GDAP1: variants seen among roughly 807,000 people sequenced by gnomAD.
GDAP1 encodes ganglioside-induced differentiation-associated protein 1.
GDAP1 carries 34 observed loss-of-function variants against 40.1 expected under a neutral mutation model. That is an observed-to-expected ratio of 0.85 (90% confidence interval 0.64 to 1.13). The LOEUF (loss-of-function observed/expected upper bound fraction) is 1.13, where lower values mean the gene tolerates loss of function less well. Among genes scored for constraint, GDAP1 ranks in the 50% most tolerant of loss-of-function variants. The pLI is 0.00. For synonymous variants in GDAP1, 170 were observed against 157.4 expected (o/e 1.08, Z -0.60); for missense variants, 374 against 433.7 (o/e 0.86, Z 1.22).
chr8:74,368,002 G>C (rs1222607975), downstream of GDAP1, among the ~76,000 whole-genome samples: 1 of 152,150 alleles, frequency 6.6e-6, no homozygotes, highest in Non-Finnish European at 1.5e-5. Context: ...AAGTAGGGTG[G>C]TGTATCTATT....
At chr8:74,470,401 C>T (rs982310000) in intron 2 of GDAP1, among the ~76,000 whole-genome samples, 1 of 152,164 alleles carries the variant, frequency 6.6e-6, no homozygotes, top group African/African-American at 2.4e-5. Flanking sequence ...TCTCCCTCCC[C>T]TCTACCCCCA....
At chr8:74,382,457 T>C (rs1809969444) in intron 2 of GDAP1, among the ~76,000 whole-genome samples, 1 of 151,256 alleles carries the variant, frequency 6.6e-6, no homozygotes, top group Non-Finnish European at 1.5e-5. Flanking sequence ...CATAATAGGA[T>C]TCTATTCTCT....
chr8:74,406,315 A>G (rs1805639992), intron 2 of GDAP1, among the ~76,000 whole-genome samples: 1 of 150,428 alleles, frequency 6.6e-6, no homozygotes, highest in African/African-American at 2.5e-5. Context: ...GTGCCATTTA[A>G]TGAATTCTAG....
At chr8:74,368,139 A>G (rs144326429), downstream of GDAP1, among the ~76,000 whole-genome samples, 1 of 152,340 alleles carries the variant, frequency 6.6e-6, no homozygotes, top group African/African-American at 2.4e-5. Flanking sequence ...ATCCCTTAGT[A>G]GGAGAGCCAA....
At chr8:74,420,997 T>C (rs539442215) in intron 2 of GDAP1, among the ~76,000 whole-genome samples, 1 of 152,268 alleles carries the variant, frequency 6.6e-6, no homozygotes, top group East Asian at 1.9e-4. Flanking sequence ...CTTTCACTTA[T>C]ATCATAGCTC....
intron 5 of GDAP1, among the ~76,000 whole-genome samples, chr8:74,363,321 G>A (rs1488279631): frequency 6.6e-6 from 1 of 152,186 alleles, no homozygotes; most frequent in African/African-American, 2.4e-5. Context: ...TGTAATTACA[G>A]TAGTTAGTTT....
rs1430736714 is a variant in GDAP1, at chr8:74,432,261, T to TGA, written c.166-56417_166-56416insGA. Reference sequence around the variant, plus strand: ...TTGGATTCAGCCATTCCTCAAGGTATTTTACCCTTGGATTTCTCACTTGCT... The same window carrying TGA: ...TTGGATTCAGCCATTCCTCAAGGTATGATTTACCCTTGGATTTCTCACTTGCT... On this transcript the variant is annotated intron_variant, in intron 2 of 2. Coordinates refer to the GDAP1 transcript ENST00000523640. 4.6e-5 allele frequency among the ~76,000 whole-genome samples: 7 copies of TGA among 152,288 alleles called. No individual in the cohort carries two copies. In the East Asian group the frequency reaches 1.4e-3, roughly 29 times the overall value.
At chr8:74,357,919 A>G (rs370444843) in intron 2 of GDAP1, among the ~76,000 whole-genome samples, 109 of 152,354 alleles carry the variant, frequency 7.2e-4, no homozygotes, top group African/African-American at 2.2e-3. Flanking sequence ...GATCTCCTCT[A>G]TAATTCAAAG....
chr8:74,461,529 A>G (rs1806400198), intron 2 of GDAP1, among the ~76,000 whole-genome samples: 1 of 152,230 alleles, frequency 6.6e-6, no homozygotes, highest in African/African-American at 2.4e-5. Context: ...CTGTGTTCAT[A>G]TGCTGCCAAA....
At chr8:74,404,771 A>G (rs1384920669) in intron 2 of GDAP1, among the ~76,000 whole-genome samples, 1 of 149,784 alleles carries the variant, frequency 6.7e-6, no homozygotes, top group Admixed American at 6.6e-5. Context: ...TTCTCTCACC[A>G]TTTGAGGATA....
downstream of GDAP1, among the ~76,000 whole-genome samples, chr8:74,369,120 C>G (rs999694238): frequency 6.6e-6 from 1 of 152,122 alleles, no homozygotes; most frequent in Non-Finnish European, 1.5e-5. Flanking sequence ...AAAACGTACA[C>G]AGTTTAAAGG....
Position 74,364,279 on chromosome 8 carries a change from C to G in GDAP1, c.989C>G (p.Ala330Gly). The change falls in exon 6 of 6, where the codon GCA becomes GGA. Residue 330 changes from alanine (A) to glycine (G), a missense_variant. Ala to Gly is a moderately conservative substitution (Grantham distance 60). Coordinates refer to ENST00000220822, the MANE Select transcript of GDAP1 (RefSeq NM_018972.4). ...ACGACCCTTGTGGTTGGTTTGCTTG[C>G]AGGAGTGGGATATTTTGCTTTTATG... Reference protein sequence around the residue: ...LGTTLVVGLLAGVGYFAFMLF... With the variant: ...LGTTLVVGLLGGVGYFAFMLF... 6.2e-7 allele frequency: 1 copy of G among 1,614,088 alleles called. No homozygotes were observed. Among genetic ancestry groups the G allele is most frequent in the Non-Finnish European group, 8.5e-7 (1 of 1,179,960 alleles).
intron 2 of GDAP1, among the ~76,000 whole-genome samples, chr8:74,460,963 T>C (rs946907206): frequency 2.0e-5 from 3 of 152,234 alleles, no homozygotes; most frequent in Admixed American, 6.5e-5. Context: ...TCTACATTCC[T>C]GAAGGCTTTG....
At chr8:74,425,407 C>T (rs1048854195) in intron 2 of GDAP1, among the ~76,000 whole-genome samples, 4 of 152,274 alleles carry the variant, frequency 2.6e-5, no homozygotes, top group African/African-American at 9.6e-5. Flanking sequence ...TCTGTAGCCA[C>T]ATGTCATAAC....
intron 4 of GDAP1, 105 bp from the exon 5 acceptor site, chr8:74,362,834 T>C: frequency 1.8e-6 from 1 of 542,746 alleles, no homozygotes; most frequent in Non-Finnish European, 3.4e-6. Context: ...TCTCGTTGTC[T>C]AAAATAGGCT....
chr8:74,398,935 G>T (rs933650804), intron 2 of GDAP1, among the ~76,000 whole-genome samples: 21 of 152,210 alleles, frequency 1.4e-4, no homozygotes, highest in African/African-American at 4.6e-4. Context: ...TTGATGTGCT[G>T]CTGGATTTGG....
chr8:74,374,896 T>G (rs1392990072), intron 2 of GDAP1, among the ~76,000 whole-genome samples: 3 of 152,226 alleles, frequency 2.0e-5, no homozygotes, highest in Non-Finnish European at 1.5e-5. Flanking sequence ...AATGGTTTTA[T>G]TAGTAAATTC....
rs181174006 is a variant in GDAP1 at position 74,412,829 on chromosome 8, C to T, written c.165+61508C>T. On this transcript the variant is annotated intron_variant, in intron 2 of 2. Transcript: ENST00000523640. ...ATCCCAGCACTTTGGGAGGCTGAAGCGGGTGGATCACAAGGTGAGGAGATT... is the reference window on the plus strand; with the variant it reads ...ATCCCAGCACTTTGGGAGGCTGAAGTGGGTGGATCACAAGGTGAGGAGATT... Among the ~76,000 whole-genome samples the T allele has an allele frequency of 2.0e-3, 290 of 148,348 alleles. 1 individual carries two copies. The highest frequency in any genetic ancestry group is 4.0e-3 in the Admixed American group (61 of 15,142).
chr8:74,486,278 C>A (rs983731243), intron 2 of GDAP1, among the ~76,000 whole-genome samples: 7 of 152,088 alleles, frequency 4.6e-5, no homozygotes, highest in Admixed American at 3.9e-4. Context: ...AATGAAAATA[C>A]AGTGATGTTT....
Sources: gnomAD v4.1 joint callset for allele counts (sites outside exome capture counted in the v4.1 genomes callset) on GRCh38, gnomAD v4.1.1 for gene constraint, MANE v1.5 for transcripts, NCBI Gene and HGNC (gene_info 2026-07-23, HGNC 2026-07-21) for gene names.